Variants in ZNF726 observed in about 807,000 individuals in gnomAD.
ZNF726 encodes zinc finger protein 726.
A neutral mutation model predicts 11.6 loss-of-function variants in ZNF726; 15 were observed. The ratio of observed to expected loss-of-function variants is 1.29; its 90% confidence interval spans 0.86 to 1.99. The LOEUF (loss-of-function observed/expected upper bound fraction) is 1.99. Among genes scored for constraint, ZNF726 ranks in the 30% most tolerant of loss-of-function variants. ZNF726 has a pLI of 0.00. For synonymous variants in ZNF726, 295 were observed against 243.6 expected, an observed-to-expected ratio of 1.21 and a Z score of -1.96; for missense variants, 890 against 725.6, an observed-to-expected ratio of 1.23 and a Z score of -2.60.
Position 23,919,399 on chromosome 19 carries a change from C to T in ZNF726, c.30C>T (p.Ala10=), listed in dbSNP as rs747417774. Residue 10 remains alanine, a synonymous_variant, in exon 2 of 4, where the codon GCC becomes GCT. Coordinates refer to ENST00000594466, the MANE Select transcript of ZNF726 (RefSeq NM_001244038.2). ...GACTGTTGACATTTAGGGATGTGGC[C>T]ATAGAATTCTCTCTGGAGGAGTGGC... is the stretch of plus-strand genomic sequence containing the variant. The part of the protein sequence containing the change: MGLLTFRDV[A]IEFSLEEWQC... 2 of 1,607,334 alleles carry T rather than the reference C, an allele frequency of 1.2e-6. No individual in the cohort carries two copies. Among genetic ancestry groups the T allele is most frequent in the Admixed American group, 1.7e-5 (1 of 59,816 alleles).
chr19:23,942,907 CTG>C (rs1213764765), intron 3 of ZNF726, among the ~76,000 whole-genome samples: 1 of 152,170 alleles, frequency 6.6e-6, no homozygotes, highest in Non-Finnish European at 1.5e-5. Flanking sequence ...TTCTGCAGTT[CTG>C]TGTCTTTTAA....
intron 1 of ZNF726, among the ~76,000 whole-genome samples, chr19:23,917,445 T>TA (rs1427972964): frequency 6.6e-6 from 1 of 151,122 alleles, no homozygotes; most frequent in Non-Finnish European, 1.5e-5. Context: ...AGTGATTTCA[T>TA]ACAGAAGTCC....
chr19:23,938,044 C>T (rs1219008952), downstream of ZNF726, among the ~76,000 whole-genome samples: 2 of 152,130 alleles, frequency 1.3e-5, no homozygotes, highest in East Asian at 1.9e-4. Flanking sequence ...CCTATTCCAC[C>T]TTACTCAATG....
At chr19:23,916,676 AT>A (rs896982877) in intron 1 of ZNF726, among the ~76,000 whole-genome samples, 1 of 151,962 alleles carries the variant, frequency 6.6e-6, no homozygotes, top group Non-Finnish European at 1.5e-5. Flanking sequence ...ATTTACAATG[AT>A]TTTTTTTCTA....
downstream of ZNF726, among the ~76,000 whole-genome samples, chr19:23,938,382 T>C (rs962339453): frequency 6.6e-6 from 1 of 152,044 alleles, no homozygotes; most frequent in Non-Finnish European, 1.5e-5. Flanking sequence ...TGGAACAAAA[T>C]AAATCATTTT....
chr19:23,933,191 C>T lies in ZNF726; in HGVS notation c.1075C>T (p.His359Tyr). 6.2e-7 allele frequency: 1 copy of T among 1,601,944 alleles called. No individual in the cohort carries two copies. Among genetic ancestry groups the T allele is most frequent in the Non-Finnish European group, 8.5e-7 (1 of 1,173,468 alleles). The change falls in exon 4 of 4, where the codon CAT becomes TAT. Residue 359 changes from histidine to tyrosine, a missense_variant. Physicochemically the swap from His to Tyr is moderately conservative, Grantham distance 83. Transcript: ENST00000594466. ...AFSQFGHLTT[H>Y]RIIHTGEKPY... ...TAGCCAATTCGGACACCTTACTACA[C>T]ATAGGATAATTCATACTGGAGAGAA...
chr19:23,939,052 G>A (rs1013442320), downstream of ZNF726, among the ~76,000 whole-genome samples: 16 of 151,900 alleles, frequency 1.1e-4, no homozygotes, highest in African/African-American at 3.9e-4. Context: ...TGATTTGTGA[G>A]ACCCTGATGG....
intron 3 of ZNF726, among the ~76,000 whole-genome samples, chr19:23,939,849 AC>A (rs1968308103): frequency 8.7e-6 from 1 of 115,292 alleles, no homozygotes; most frequent in Non-Finnish European, 1.8e-5. Flanking sequence ...TCTTTGGCCC[AC>A]TTTTTGATGG....
chr19:23,942,577 A>T (rs974542320), intron 3 of ZNF726, among the ~76,000 whole-genome samples: 1 of 152,100 alleles, frequency 6.6e-6, no homozygotes, highest in Admixed American at 6.5e-5. Flanking sequence ...CCTCCCTCTT[A>T]TGGTATTGAT....
Position 23,923,600 on chromosome 19 carries a change from C to T in ZNF726, c.226+3518C>T, listed in dbSNP as rs185702378. ...TAATTTTTTGTATTTTTAGTAGAAA[C>T]GGGGTTTCACCGTGCTCTCGATCTC... On this transcript the variant is annotated intron_variant, in intron 3 of 3. Transcript: ENST00000594466. 9 of 185,280 alleles carry T rather than the reference C, an allele frequency of 4.9e-5. No homozygotes were observed. In the East Asian group the frequency reaches 7.0e-4, roughly 14 times the overall value. 11.5% of individuals were successfully genotyped at this position (185,280 alleles called of 1,614,324 possible).
chr19:23,939,137 C>T (rs79991443), downstream of ZNF726, among the ~76,000 whole-genome samples: 1 of 151,450 alleles, frequency 6.6e-6, no homozygotes, highest in Non-Finnish European at 1.5e-5. Context: ...TCTTCCCCCC[C>T]AAGTCTCCAA....
rs1968183349 is a variant in ZNF726 at position 23,934,037 on chromosome 19, A to G, written c.*70A>G. 6.5e-7 allele frequency: 1 copy of G among 1,532,956 alleles called. No individual in the cohort carries two copies. Among genetic ancestry groups the G allele is most frequent in the Non-Finnish European group, 9.0e-7 (1 of 1,111,912 alleles). 95.0% of individuals were successfully genotyped at this position (1,532,956 alleles called of 1,614,324 possible). ...GGTCCTCAACGCTAAACATAAGAGG[A>G]TGCACACTGGAGAGAAACCCTACAA... is the stretch of plus-strand genomic sequence containing the variant. On this transcript the variant is annotated 3_prime_UTR_variant, in exon 4 of 4. Coordinates refer to ENST00000594466, the MANE Select transcript of ZNF726 (RefSeq NM_001244038.2).
At chr19:23,937,814 A>G (rs1054846317), downstream of ZNF726, among the ~76,000 whole-genome samples, 1 of 152,222 alleles carries the variant, frequency 6.6e-6, no homozygotes, top group East Asian at 1.9e-4. Flanking sequence ...TGGAGGTTGT[A>G]GCAAGCCGAG....
At chr19:23,935,231 A>G (rs1435272040), downstream of ZNF726, 5 of 453,520 alleles carry the variant, frequency 1.1e-5, no homozygotes, top group Admixed American at 1.2e-4. Context: ...AATGTGGGAA[A>G]TCTTTTAACC....
At position 23,933,726 on chromosome 19, in the gene ZNF726, A is replaced by G. The variant is rs1477589662; in HGVS notation, c.1610A>G (p.Tyr537Cys). The G allele has an allele frequency of 6.2e-7, 1 of 1,612,534 alleles. No individual in the cohort carries two copies. Among genetic ancestry groups the G allele is most frequent in the Admixed American group, 1.7e-5 (1 of 59,984 alleles). The change falls in exon 4 of 4, where the codon TAC becomes TGC. Residue 537 changes from tyrosine to cysteine, a missense_variant. By Grantham distance (194) the Tyr-to-Cys change is radical (BLOSUM62 -2). Transcript: ENST00000594466. ...HKRIHTGEKPYKCEECGKTFN... is the reference protein window; with the variant it reads ...HKRIHTGEKPCKCEECGKTFN... Reference sequence around the variant, plus strand: ...AGGATTCACACTGGAGAGAAACCCTACAAATGTGAAGAATGTGGCAAAACT... The same window carrying G: ...AGGATTCACACTGGAGAGAAACCCTGCAAATGTGAAGAATGTGGCAAAACT...
intron 3 of ZNF726, among the ~76,000 whole-genome samples, chr19:23,942,994 G>T (rs886147245): frequency 6.6e-6 from 1 of 152,102 alleles, no homozygotes; most frequent in Non-Finnish European, 1.5e-5. Context: ...CATGCTCTTT[G>T]TTGTCTGCAT....
chr19:23,917,391 AGAGT>A (rs1270551241), intron 1 of ZNF726, among the ~76,000 whole-genome samples: 1 of 152,114 alleles, frequency 6.6e-6, no homozygotes, highest in Non-Finnish European at 1.5e-5. Context: ...TATCTTTCTC[AGAGT>A]GAGTTTAGAA....
At chr19:23,928,122 A>G (rs576973529) in intron 3 of ZNF726, 1 of 152,280 alleles carries the variant, frequency 6.6e-6, no homozygotes, top group East Asian at 1.9e-4. Context: ...TTCGCCTCAT[A>G]CTTGCTCTGT....
intron 3 of ZNF726, among the ~76,000 whole-genome samples, chr19:23,939,947 G>A (rs985364218): frequency 7.2e-6 from 1 of 138,142 alleles, no homozygotes; most frequent in African/African-American, 2.7e-5. Context: ...TGTATAGATT[G>A]TGAAGATTTT....
Sources: allele counts gnomAD v4.1 joint callset (sites outside exome capture counted in the v4.1 genomes callset), GRCh38; gene constraint gnomAD v4.1.1; transcripts MANE v1.5; gene names NCBI Gene and HGNC (gene_info 2026-07-23, HGNC 2026-07-21).